The following WBP2NL variants were observed in gnomAD, a reference collection of about 807,000 sequenced individuals.
The protein encoded by WBP2NL is WBP2 N-terminal like.
Under a neutral mutation model 23.3 loss-of-function variants are expected in WBP2NL, and 27 were observed. The observed-to-expected ratio is 1.16, with a 90% CI of 0.85 to 1.60. The LOEUF (loss-of-function observed/expected upper bound fraction) is 1.60, where lower values mean the gene tolerates loss of function less well. Among genes scored for constraint, WBP2NL ranks in the 40% most tolerant of loss-of-function variants. WBP2NL has a pLI of 0.00. For synonymous variants in WBP2NL, 151 were observed against 145.9 expected (o/e 1.03, Z -0.25); for missense variants, 370 against 389.5 (o/e 0.95, Z 0.42).
chr22:42,025,223 G>C (rs1924369569), intron 5 of WBP2NL, among the ~76,000 whole-genome samples: 1 of 152,146 alleles, frequency 6.6e-6, no homozygotes. Flanking sequence ...ATTTATCCCT[G>C]TTTTCTTCTA....
intron 5 of WBP2NL, among the ~76,000 whole-genome samples, chr22:42,023,634 G>A (rs937764659): frequency 3.9e-5 from 6 of 152,026 alleles, no homozygotes; most frequent in Non-Finnish European, 7.4e-5. Flanking sequence ...TGGGACTACC[G>A]GCGCCCGCCA....
chr22:42,001,795 T>A (rs1293876026), intron 1 of WBP2NL: 20 of 1,192,474 alleles, frequency 1.7e-5, no homozygotes, highest in Non-Finnish European at 2.3e-5. Flanking sequence ...ATACAGACCA[T>A]GCAGTCTCTA....
At chr22:42,000,751 AC>A (rs1921557761) in intron 1 of WBP2NL, among the ~76,000 whole-genome samples, 2 of 136,842 alleles carry the variant, frequency 1.5e-5, no homozygotes, top group African/African-American at 2.8e-5. Flanking sequence ...ATATGTTGAA[AC>A]CCCATCTCTA....
At chr22:42,006,513 G>T (rs1271147609) in intron 1 of WBP2NL, among the ~76,000 whole-genome samples, 1 of 152,176 alleles carries the variant, frequency 6.6e-6, no homozygotes, top group Non-Finnish European at 1.5e-5. Context: ...CATTACAGGC[G>T]TGAGCCACCG....
At chr22:42,041,114 T>C (rs1939712874) in intron 8 of WBP2NL, among the ~76,000 whole-genome samples, 2 of 152,238 alleles carry the variant, frequency 1.3e-5, no homozygotes, top group African/African-American at 2.4e-5. Context: ...ATAATTGTTA[T>C]AGCTTCCTGT....
intron 8 of WBP2NL, among the ~76,000 whole-genome samples, chr22:42,042,887 C>T (rs1281818875): frequency 6.6e-6 from 1 of 151,972 alleles, no homozygotes; most frequent in Non-Finnish European, 1.5e-5. Flanking sequence ...CACGGTGAAA[C>T]CCTGTCTCTA....
intron 8 of WBP2NL, among the ~76,000 whole-genome samples, chr22:42,046,954 G>A (rs1435440395): frequency 2.0e-5 from 3 of 152,068 alleles, no homozygotes; most frequent in Non-Finnish European, 1.5e-5. Context: ...AGACTTTTCA[G>A]GTATCTAACT....
chr22:42,019,673 A>G lies in WBP2NL; in HGVS notation c.183A>G (p.Ile61Met). 1 of 1,614,070 alleles carries G rather than the reference A, an allele frequency of 6.2e-7. No homozygotes were observed. Among genetic ancestry groups the G allele is most frequent in the Non-Finnish European group, 8.5e-7 (1 of 1,180,034 alleles). ...CTGTCCTTGCGTAGGTGATTTTCAT[A>G]ACTTCATGCTCCATCAGTGATCCCA... ...LFLTSYRVIF[I>M]TSCSISDPML... Residue 61 changes from isoleucine to methionine, a missense_variant, in exon 3 of 6, where the codon ATA becomes ATG. By Grantham distance (10) the Ile-to-Met change is conservative. Transcript: ENST00000328823.
chr22:42,040,318 G>A (rs9607871), intron 8 of WBP2NL, among the ~76,000 whole-genome samples: 31,048 of 151,424 alleles, frequency 0.21, 3,530 homozygotes, highest in African/African-American at 0.28. Context: ...CGCCTCCTGG[G>A]TTCAAGTAAT....
At chr22:42,057,024 T>C (rs923726816) in intron 8 of WBP2NL, among the ~76,000 whole-genome samples, 2 of 152,214 alleles carry the variant, frequency 1.3e-5, no homozygotes, top group Non-Finnish European at 2.9e-5. Flanking sequence ...TATGTCTAGG[T>C]ATGGAGCTCT....
At chr22:41,999,218 G>T (rs568072142) in intron 1 of WBP2NL, among the ~76,000 whole-genome samples, 1 of 152,382 alleles carries the variant, frequency 6.6e-6, no homozygotes, top group South Asian at 2.1e-4. Context: ...GCTGACCGGC[G>T]GTTGTGAGCA....
In WBP2NL at chr22:42,028,244, G is replaced by A. The variant is rs1924681083; in HGVS notation, c.*1063G>A. Reference sequence around the variant, plus strand: ...TGATAAGGAGAAAAGCAAGTTGTAGGGAGCATATACTATAGTGATTTTCAG... The same window carrying A: ...TGATAAGGAGAAAAGCAAGTTGTAGAGAGCATATACTATAGTGATTTTCAG... On this transcript the variant is annotated 3_prime_UTR_variant, in exon 6 of 6. Transcript: ENST00000328823. 1 of 395,676 alleles carries A rather than the reference G, an allele frequency of 2.5e-6. No individual in the cohort carries two copies. Among genetic ancestry groups the A allele is most frequent in the Admixed American group, 4.4e-5 (1 of 22,662 alleles). 24.5% of individuals were successfully genotyped at this position (395,676 alleles called of 1,614,324 possible).
chr22:42,044,834 G>C (rs753565672), intron 8 of WBP2NL, among the ~76,000 whole-genome samples: 4 of 151,962 alleles, frequency 2.6e-5, no homozygotes, highest in Non-Finnish European at 5.9e-5. Context: ...ATTTTGTAGA[G>C]ATGGATGTCA....
At chr22:42,001,608 C>T (rs140954895) in intron 1 of WBP2NL, 10 of 1,023,644 alleles carry the variant, frequency 9.8e-6, no homozygotes, top group East Asian at 2.4e-5. Flanking sequence ...CCAGTGGCAC[C>T]GCCTGATGCC....
At chr22:42,040,553 G>A (rs1970664113) in intron 8 of WBP2NL, among the ~76,000 whole-genome samples, 1 of 152,122 alleles carries the variant, frequency 6.6e-6, no homozygotes, top group Admixed American at 6.5e-5. Context: ...AAACATAGGT[G>A]TTTAATGCTA....
rs780529882 is a variant in WBP2NL, at chr22:42,027,243, G to C, written c.*62G>C. On this transcript the variant is annotated 3_prime_UTR_variant, in exon 6 of 6. Coordinates refer to ENST00000328823, the MANE Select transcript of WBP2NL (RefSeq NM_152613.3). ...AAGAGGTACCCTAAAATTGAAGTCA[G>C]GATAAGGAGGACGACTCAGGTATGT... The C allele has an allele frequency of 1.3e-6, 2 of 1,530,060 alleles. No individual in the cohort carries two copies. Among genetic ancestry groups the C allele is most frequent in the Non-Finnish European group, 1.8e-6 (2 of 1,142,094 alleles). 94.8% of individuals were successfully genotyped at this position (1,530,060 alleles called of 1,614,324 possible). A position where few individuals can be genotyped will look rare whatever the true frequency, so the allele number is the denominator to read the frequency against.
intron 1 of WBP2NL, among the ~76,000 whole-genome samples, chr22:42,011,161 A>C (rs927285104): frequency 6.6e-6 from 1 of 152,224 alleles, no homozygotes; most frequent in Admixed American, 6.5e-5. Context: ...TAAGCCTAGA[A>C]GTGTTTCTTC....
chr22:42,005,906 C>T (rs897186803), intron 1 of WBP2NL, among the ~76,000 whole-genome samples: 6 of 152,158 alleles, frequency 3.9e-5, no homozygotes, highest in Non-Finnish European at 7.4e-5. Flanking sequence ...GGAAGTGGTC[C>T]ACTCAAAGCA....
downstream of WBP2NL, among the ~76,000 whole-genome samples, chr22:42,029,639 T>C (rs1321965558): frequency 6.6e-6 from 1 of 152,240 alleles, no homozygotes; most frequent in Non-Finnish European, 1.5e-5. Context: ...CCTGAAGTGC[T>C]GGGATTACAG....
Sources: gnomAD v4.1 joint callset for allele counts (sites outside exome capture counted in the v4.1 genomes callset) on GRCh38, gnomAD v4.1.1 for gene constraint, MANE v1.5 for transcripts, NCBI Gene and HGNC (gene_info 2026-07-23, HGNC 2026-07-21) for gene names.